Variants in SPTBN1 observed in about 807,000 individuals in gnomAD.
The protein encoded by SPTBN1 is spectrin beta, non-erythrocytic 1.
SPTBN1 carries 32 observed loss-of-function variants against 266.4 expected under a neutral mutation model. The observed-to-expected ratio is 0.12, with a 90% CI of 0.09 to 0.16. The LOEUF is 0.16. Among genes scored for constraint, SPTBN1 ranks in the 10% least tolerant of loss-of-function variants. The pLI is 1.00. For missense variants in SPTBN1, 2,296 were observed against 3,067.1 expected (o/e 0.75, Z 5.94); for synonymous variants, 1,336 against 1,162.2 (o/e 1.15, Z -3.04).
intron 1 of SPTBN1, among the ~76,000 whole-genome samples, chr2:54,458,847 G>A (rs1157772579): frequency 3.3e-5 from 5 of 152,190 alleles, no homozygotes; most frequent in Non-Finnish European, 7.4e-5. Context: ...AGCCAAGGGC[G>A]TGCCTGCTTG....
At position 54,558,793 on chromosome 2, in the gene SPTBN1, G is replaced by A. The variant is rs1367097442; in HGVS notation, c.148+32227G>A. The A allele has an allele frequency of 1.9e-6, 3 of 1,613,452 alleles. No individual in the cohort carries two copies. Among genetic ancestry groups the A allele is most frequent in the African/African-American group, 1.3e-5 (1 of 75,028 alleles). ...CGCCGGGCATAATGGAATTGCAGAG[G>A]ACGTCTAGTATCTCCGGGCCGCTGT... On this transcript the variant is annotated intron_variant, in intron 2 of 35. Transcript: ENST00000356805. The surrounding 1 kb of genome is among the most constrained non-coding windows in gnomAD (Gnocchi z 4.6).
chr2:54,551,271 G>T (rs534641624), intron 2 of SPTBN1, among the ~76,000 whole-genome samples: 22 of 152,280 alleles, frequency 1.4e-4, no homozygotes, highest in African/African-American at 4.6e-4. Flanking sequence ...AGAACTCTGG[G>T]CAAGAGCAGG....
rs779692766 is a variant in SPTBN1 at position 54,659,250 on chromosome 2, G to A, written c.6340G>A (p.Glu2114Lys). The change falls in exon 31 of 36, where the codon GAG becomes AAG. Residue 2114 changes from glutamate to lysine, a missense_variant. Transcript: ENST00000356805. ...EPSTKVSEEAESQQQWDTSKG... is the reference protein window; with the variant it reads ...EPSTKVSEEAKSQQQWDTSKG... ...GAGCACGAAGGTTTCAGAGGAAGCCGAGTCCCAGCAGCAGTGGTGAGTCCC... is the reference window on the plus strand; with the variant it reads ...GAGCACGAAGGTTTCAGAGGAAGCCAAGTCCCAGCAGCAGTGGTGAGTCCC... 5.9e-5 allele frequency: 96 copies of A among 1,613,932 alleles called. No individual in the cohort carries two copies. Among genetic ancestry groups the A allele is most frequent in the Middle Eastern group, 1.7e-4 (1 of 6,060 alleles).
chr2:54,635,659 G>A (rs1045444795), intron 17 of SPTBN1, among the ~76,000 whole-genome samples: 2 of 152,202 alleles, frequency 1.3e-5, no homozygotes, highest in Admixed American at 1.3e-4. Context: ...GTGTCCTGTT[G>A]TTAATTTCCA....
In SPTBN1 at chr2:54,653,393, T is replaced by G. The variant is rs1167474566; in HGVS notation, c.5578-216T>G. 4 of 630,988 alleles carry G rather than the reference T, an allele frequency of 6.3e-6. No homozygotes were observed. Among genetic ancestry groups the G allele is most frequent in the Non-Finnish European group, 1.0e-5 (4 of 401,126 alleles). The allele number at this position is 630,988 out of a possible 1,614,324, so 39.1% of individuals were successfully genotyped here. A position where few individuals can be genotyped will look rare whatever the true frequency, so the allele number is the denominator to read the frequency against. ...TGTAGCATTTCATTTGTTTTATCAT[T>G]CATAAAGAACTTAATAATGTAGTTG... On this transcript the variant is annotated intron_variant, in intron 26 of 35. Transcript: ENST00000356805. This position sits in a 1 kb window ranked among gnomAD's most constrained non-coding sequence, Gnocchi z 5.1.
At chr2:54,530,733 T>C (rs1238954289) in intron 2 of SPTBN1, among the ~76,000 whole-genome samples, 1 of 152,234 alleles carries the variant, frequency 6.6e-6, no homozygotes, top group Non-Finnish European at 1.5e-5. Flanking sequence ...TTTAATTCAA[T>C]GCAGTATAAT....
intron 2 of SPTBN1, among the ~76,000 whole-genome samples, chr2:54,565,297 T>C (rs555167492): frequency 2.0e-5 from 3 of 152,216 alleles, no homozygotes; most frequent in Non-Finnish European, 4.4e-5. Context: ...TGATTTCTTA[T>C]AGAAGAATGA....
At chr2:54,553,443 G>T (rs932006610) in intron 2 of SPTBN1, among the ~76,000 whole-genome samples, 2 of 152,190 alleles carry the variant, frequency 1.3e-5, no homozygotes, top group African/African-American at 4.8e-5. Flanking sequence ...CAGTGGCATG[G>T]TTTGGAGCCG....
chr2:54,651,301 G>T (rs906792391), intron 26 of SPTBN1, among the ~76,000 whole-genome samples: 1 of 152,176 alleles, frequency 6.6e-6, no homozygotes, highest in Non-Finnish European at 1.5e-5. Flanking sequence ...CCAAAGAAGG[G>T]TCTCGGAACA....
At position 54,558,937 on chromosome 2, in the gene SPTBN1, C is replaced by T. The variant is rs1023404855; in HGVS notation, c.148+32371C>T. On this transcript the variant is annotated intron_variant, in intron 2 of 35. Transcript: ENST00000356805. This position sits in a 1 kb window ranked among gnomAD's most constrained non-coding sequence, Gnocchi z 4.6. ...CCTGTCCTGGGTGCCAACGGGGGTT[C>T]TTGGAGGCTTTATTTGTGACCCTAA... is the stretch of plus-strand genomic sequence containing the variant. The T allele has an allele frequency of 6.3e-7, 1 of 1,585,818 alleles. No homozygotes were observed. Among genetic ancestry groups the T allele is most frequent in the East Asian group, 2.3e-5 (1 of 43,832 alleles).
intron 2 of SPTBN1, among the ~76,000 whole-genome samples, chr2:54,535,813 A>T (rs1671564577): frequency 6.6e-6 from 1 of 152,236 alleles, no homozygotes; most frequent in African/African-American, 2.4e-5. Context: ...GGAGTTCATG[A>T]CCAGCCTGGC....
At chr2:54,512,025 A>G (rs1169018821) in intron 1 of SPTBN1, among the ~76,000 whole-genome samples, 1 of 152,140 alleles carries the variant, frequency 6.6e-6, no homozygotes, top group Non-Finnish European at 1.5e-5. Context: ...GGAGCGCACA[A>G]TCCTGATCCC....
At chr2:54,568,423 T>C (rs181787439) in intron 2 of SPTBN1, among the ~76,000 whole-genome samples, 2 of 151,496 alleles carry the variant, frequency 1.3e-5, no homozygotes, top group Admixed American at 1.3e-4. Context: ...CTAACTCCTA[T>C]GAACAGACAA....
At chr2:54,458,753 A>C (rs192495987) in intron 1 of SPTBN1, among the ~76,000 whole-genome samples, 139 of 152,326 alleles carry the variant, frequency 9.1e-4, no homozygotes, top group African/African-American at 2.7e-3. Context: ...ATATATTTCA[A>C]ATGTCAACCC....
At position 54,493,753 on chromosome 2, in the gene SPTBN1, A is replaced by G. The variant is rs1668816648; in HGVS notation, c.-47-32619A>G. On this transcript the variant is annotated intron_variant, in intron 1 of 35. Coordinates refer to ENST00000356805, the MANE Select transcript of SPTBN1 (RefSeq NM_003128.3). ...TTAAAATTGAAGAAGAGGGTCCAAG[A>G]CTAAGTGCCAACATAGATATTTGCA... Among the ~76,000 whole-genome samples the G allele has an allele frequency of 5.3e-5, 8 of 152,340 alleles. No individual in the cohort carries two copies. In the South Asian group the frequency reaches 1.7e-3, roughly 32 times the overall value.
chr2:54,655,954 A>C lies in SPTBN1; in HGVS notation c.6002A>C (p.Glu2001Ala), dbSNP rs1434141452. Reference sequence around the variant, plus strand: ...CTGCAGTTGACGGAAAAGAGGAAAGAAATGATCGACAAGTGGGAAGACCGA... The same window carrying C: ...CTGCAGTTGACGGAAAAGAGGAAAGCAATGATCGACAAGTGGGAAGACCGA... ...KLLQLTEKRK[E>A]MIDKWEDRWE... The change falls in exon 29 of 36, where the codon GAA becomes GCA. Residue 2001 changes from glutamate to alanine, a missense_variant. Glu to Ala is a moderately radical substitution (Grantham distance 107). Transcript: ENST00000356805. 6.2e-7 allele frequency: 1 copy of C among 1,613,720 alleles called. No homozygotes were observed. The highest frequency in any genetic ancestry group is 1.1e-5 in the South Asian group (1 of 91,064).
chr2:54,624,363 G>A (rs918677969), intron 10 of SPTBN1, among the ~76,000 whole-genome samples: 1 of 152,220 alleles, frequency 6.6e-6, no homozygotes, highest in East Asian at 1.9e-4. Flanking sequence ...ATGGACAGTA[G>A]GTCAGGATTT....
chr2:54,606,730 G>A (rs146019777), intron 3 of SPTBN1, among the ~76,000 whole-genome samples: 1,759 of 152,304 alleles, frequency 0.012, 15 homozygotes, highest in Middle Eastern at 0.044. Flanking sequence ...TTCTGTGACT[G>A]CTGGCGGGGA....
intron 2 of SPTBN1, among the ~76,000 whole-genome samples, chr2:54,583,299 CTG>C (rs1675071853): frequency 6.6e-6 from 1 of 152,182 alleles, no homozygotes; most frequent in Admixed American, 6.5e-5. Flanking sequence ...TGTCAGTAAA[CTG>C]TAAACTCTTT....
Sources: gnomAD v4.1 joint callset for allele counts (sites outside exome capture counted in the v4.1 genomes callset) on GRCh38, gnomAD v4.1.1 for gene constraint, Gnocchi (gnomAD v3.1) non-coding constraint, MANE v1.5 for transcripts, NCBI Gene and HGNC (gene_info 2026-07-23, HGNC 2026-07-21) for gene names.